Variants in SLC2A9 observed in about 807,000 individuals in gnomAD.
SLC2A9 encodes solute carrier family 2 member 9.
A neutral mutation model predicts 50.6 loss-of-function variants in SLC2A9; 39 were observed. That is an observed-to-expected ratio of 0.77 (90% CI 0.60 to 1.01). The LOEUF (loss-of-function observed/expected upper bound fraction) is 1.01, where lower values mean the gene tolerates loss of function less well. Ranked by LOEUF, SLC2A9 falls within the 50% of genes least tolerant of loss-of-function variation. The pLI is 0.00. For missense variants in SLC2A9, 686 were observed against 677.6 expected (o/e 1.01, Z -0.14); for synonymous variants, 324 against 276.9 (o/e 1.17, Z -1.69).
chr4:9,837,018 C>T (rs966192650), intron 10 of SLC2A9, among the ~76,000 whole-genome samples: 6 of 152,166 alleles, frequency 3.9e-5, no homozygotes, highest in Non-Finnish European at 7.3e-5. Flanking sequence ...AGACCTTTCA[C>T]CGTTATCACC....
intron 3 of SLC2A9, among the ~76,000 whole-genome samples, chr4:9,993,809 G>A (rs1758125434): frequency 2.0e-5 from 3 of 152,136 alleles, no homozygotes; most frequent in African/African-American, 7.2e-5. Context: ...TCTGTGTGAG[G>A]CCCAGGTCAT....
intron 3 of SLC2A9, among the ~76,000 whole-genome samples, chr4:9,802,604 C>G (rs1431348896): frequency 6.8e-6 from 1 of 148,144 alleles, no homozygotes; most frequent in Non-Finnish European, 1.5e-5. Context: ...TCTTGTCGCC[C>G]AGGCTGGAGT....
intron 6 of SLC2A9, among the ~76,000 whole-genome samples, chr4:9,927,449 G>A (rs753656063): frequency 3.3e-5 from 5 of 152,204 alleles, no homozygotes; most frequent in Admixed American, 2.0e-4. Context: ...TCTTGTGATC[G>A]GGGGCCTGGG....
At chr4:9,907,623 G>A (rs1740925241) in intron 8 of SLC2A9, among the ~76,000 whole-genome samples, 1 of 152,220 alleles carries the variant, frequency 6.6e-6, no homozygotes, top group Non-Finnish European at 1.5e-5. Context: ...GTCATGGTAA[G>A]AGATTGGAGA....
Position 9,920,420 on chromosome 4 carries a change from T to A in SLC2A9, c.967A>T (p.Thr323Ser), listed in dbSNP as rs1216769467. 6.2e-7 allele frequency: 1 copy of A among 1,614,080 alleles called. No individual in the cohort carries two copies. ...VRWQVVTVIVTMACYQLCGLN... is the reference protein window; with the variant it reads ...VRWQVVTVIVSMACYQLCGLN... ...CCACAGAGCTGGTAGCAGGCCATGG[T>A]GACAATCACGGTGACCACCTGCCAG... The change falls in exon 7 of 12, where the codon ACC becomes TCC. Residue 323 changes from threonine to serine, a missense_variant. Thr to Ser is a moderately conservative substitution (Grantham distance 58). Coordinates refer to ENST00000264784, the MANE Select transcript of SLC2A9 (RefSeq NM_020041.3).
intron 10 of SLC2A9, among the ~76,000 whole-genome samples, chr4:9,876,361 G>A (rs561603973): frequency 3.3e-5 from 5 of 152,188 alleles, no homozygotes; most frequent in Non-Finnish European, 7.3e-5. Context: ...GGGAGGCCAA[G>A]GTGGGAGGAT....
intron 8 of SLC2A9, among the ~76,000 whole-genome samples, chr4:9,893,077 C>T (rs1264005878): frequency 4.6e-5 from 7 of 152,178 alleles, no homozygotes; most frequent in Admixed American, 4.6e-4. Context: ...GGATCACCTA[C>T]AAAATCTTTT....
At chr4:10,020,503 C>T (rs1174686243) in intron 1 of SLC2A9, among the ~76,000 whole-genome samples, 1 of 152,124 alleles carries the variant, frequency 6.6e-6, no homozygotes. Context: ...ATGGGTGCTG[C>T]CAATTGAAAT....
chr4:9,947,244 C>T (rs4408959), intron 5 of SLC2A9, among the ~76,000 whole-genome samples: 72,143 of 151,838 alleles, frequency 0.48, 18,222 homozygotes, highest in African/African-American at 0.63. Context: ...ACCACCCACT[C>T]GTCCTTGCAG....
At chr4:9,833,443 C>A (rs1245681874) in intron 11 of SLC2A9, among the ~76,000 whole-genome samples, 2 of 152,116 alleles carry the variant, frequency 1.3e-5, no homozygotes, top group African/African-American at 2.4e-5. Context: ...GACTGTGGGA[C>A]CTGGGCTGAC....
intron 7 of SLC2A9, among the ~76,000 whole-genome samples, chr4:9,910,571 G>T (rs1055906203): frequency 6.6e-6 from 1 of 152,184 alleles, no homozygotes; most frequent in African/African-American, 2.4e-5. Flanking sequence ...ATGTGAAGGT[G>T]TCTGACATTT....
intron 1 of SLC2A9, among the ~76,000 whole-genome samples, chr4:10,026,921 G>T (rs1763772176): frequency 6.6e-6 from 1 of 152,148 alleles, no homozygotes; most frequent in Admixed American, 6.5e-5. Context: ...GCAGGCACCT[G>T]TAATCCCAGC....
At chr4:9,794,864 C>T (rs982746004), downstream of SLC2A9, among the ~76,000 whole-genome samples, 33 of 152,124 alleles carry the variant, frequency 2.2e-4, no homozygotes, top group Non-Finnish European at 3.2e-4. Context: ...TGCATATGGG[C>T]TACCCACGTG....
chr4:9,903,106 T>C (rs1267503880), intron 8 of SLC2A9, among the ~76,000 whole-genome samples: 1 of 152,162 alleles, frequency 6.6e-6, no homozygotes, highest in East Asian at 1.9e-4. Flanking sequence ...CCAGATGATC[T>C]ATCACCCTGC....
At chr4:9,816,842 C>T (rs1476479103) in intron 3 of SLC2A9, among the ~76,000 whole-genome samples, 2 of 104,370 alleles carry the variant, frequency 1.9e-5, no homozygotes, top group Admixed American at 8.6e-5. Context: ...CGATGACACG[C>T]ACATACACCC....
intron 7 of SLC2A9, among the ~76,000 whole-genome samples, chr4:9,919,896 C>T (rs1743581230): frequency 6.6e-6 from 1 of 152,158 alleles, no homozygotes; most frequent in South Asian, 2.1e-4. Context: ...ATCTGGGGAA[C>T]CTCATGGAGA....
rs538937610 is a variant in SLC2A9 at position 9,820,470 on chromosome 4, T to C, written n.420+5950A>G. The stretch of plus-strand genomic sequence containing the variant: ...ATTTTAGAATAAGCTTGTTAATTTC[T>C]ATAAAATTTCTTTTGGGATTTTGAT... On this transcript the variant is annotated intron_variant and non_coding_transcript_variant, in intron 3 of 3. Transcript: ENST00000503280. 1.2e-4 allele frequency among the ~76,000 whole-genome samples: 18 copies of C among 152,360 alleles called. No individual in the cohort carries two copies. In the South Asian group the frequency reaches 3.7e-3, roughly 32 times the overall value.
intron 6 of SLC2A9, among the ~76,000 whole-genome samples, chr4:9,940,924 T>C (rs908237705): frequency 1.1e-4 from 17 of 152,234 alleles, no homozygotes; most frequent in African/African-American, 2.9e-4. Context: ...TCAGTAATAA[T>C]GATAGCAGAT....
chr4:10,038,792 T>C lies in SLC2A9; in HGVS notation c.-41+1338A>G, dbSNP rs1764189448. Among the ~76,000 whole-genome samples the C allele has an allele frequency of 2.6e-5, 4 of 152,164 alleles. No individual in the cohort carries two copies. In the South Asian group the frequency reaches 6.2e-4, roughly 24 times the overall value. Reference sequence around the variant, plus strand: ...GCAAGCTAAGGATCCCGAACTTGATTCTTAGGCATGGAGGGCTTTTAGGCA... The same window carrying C: ...GCAAGCTAAGGATCCCGAACTTGATCCTTAGGCATGGAGGGCTTTTAGGCA... On this transcript the variant is annotated intron_variant, in intron 1 of 12. Transcript: ENST00000309065.
Sources: gnomAD v4.1 joint callset for allele counts (sites outside exome capture counted in the v4.1 genomes callset) on GRCh38, gnomAD v4.1.1 for gene constraint, MANE v1.5 for transcripts, NCBI Gene and HGNC (gene_info 2026-07-23, HGNC 2026-07-21) for gene names.